ZRANB3: variants seen among roughly 807,000 people sequenced by gnomAD.
ZRANB3 encodes DNA annealing helicase and endonuclease ZRANB3.
ZRANB3 carries 125 observed loss-of-function variants against 133.8 expected under a neutral mutation model. That is an observed-to-expected ratio of 0.93 (90% CI 0.81 to 1.08). The LOEUF (loss-of-function observed/expected upper bound fraction) is 1.08. Ranked by LOEUF, ZRANB3 falls within the 50% of genes least tolerant of loss-of-function variation. The pLI is 0.00. For missense variants in ZRANB3, 1,229 were observed against 1,275.5 expected, an observed-to-expected ratio of 0.96 and a Z score of 0.56; for synonymous variants, 387 against 432.7, an observed-to-expected ratio of 0.89 and a Z score of 1.31.
At chr2:135,340,107 T>TC (rs1468909416) in intron 6 of ZRANB3, among the ~76,000 whole-genome samples, 5 of 149,670 alleles carry the variant, frequency 3.3e-5, no homozygotes, top group African/African-American at 1.2e-4. Flanking sequence ...CCCTTTTCTT[T>TC]TTTTTTTTTT....
At chr2:135,344,241 G>A (rs1258101380) in intron 6 of ZRANB3, among the ~76,000 whole-genome samples, 2 of 152,090 alleles carry the variant, frequency 1.3e-5, no homozygotes, top group Non-Finnish European at 2.9e-5. Context: ...AAAATGAAGC[G>A]TTCGGCAATA....
intron 2 of ZRANB3, among the ~76,000 whole-genome samples, chr2:135,483,945 G>T (rs1691970000): frequency 6.6e-6 from 1 of 152,148 alleles, no homozygotes; most frequent in Admixed American, 6.6e-5. Context: ...TTAATCCTGA[G>T]TTCTAGTTTG....
chr2:135,325,706 C>T (rs1021566406), intron 6 of ZRANB3, among the ~76,000 whole-genome samples: 2 of 151,988 alleles, frequency 1.3e-5, no homozygotes, highest in Non-Finnish European at 2.9e-5. Context: ...TGAGGCAGGC[C>T]AACTATTAAA....
intron 6 of ZRANB3, among the ~76,000 whole-genome samples, chr2:135,316,982 AAATAT>A (rs1481077933): frequency 2.1e-5 from 3 of 140,948 alleles, no homozygotes; most frequent in African/African-American, 8.6e-5. Context: ...AAAAAAAAAA[AAATAT>A]ATATATATAT....
intron 2 of ZRANB3, among the ~76,000 whole-genome samples, chr2:135,454,504 T>C (rs893798952): frequency 1.3e-5 from 2 of 152,010 alleles, no homozygotes; most frequent in Non-Finnish European, 2.9e-5. Context: ...AATTGCAGAG[T>C]GGTAAAGCCT....
chr2:135,367,680 C>T (rs1685999955), intron 3 of ZRANB3, among the ~76,000 whole-genome samples: 1 of 152,118 alleles, frequency 6.6e-6, no homozygotes, highest in South Asian at 2.1e-4. Context: ...GTAGCATCTA[C>T]ATAAATTGTT....
At chr2:135,422,887 A>C (rs1246057927) in intron 2 of ZRANB3, among the ~76,000 whole-genome samples, 1 of 152,194 alleles carries the variant, frequency 6.6e-6, no homozygotes, top group African/African-American at 2.4e-5. Context: ...TACTGTAAAA[A>C]AGTACCACAA....
chr2:135,483,503 T>C (rs1574178075), intron 2 of ZRANB3, among the ~76,000 whole-genome samples: 1 of 152,218 alleles, frequency 6.6e-6, no homozygotes, highest in Non-Finnish European at 1.5e-5. Flanking sequence ...TTGATTCTTC[T>C]CTCTTTTTTT....
intron 12 of ZRANB3, among the ~76,000 whole-genome samples, chr2:135,239,402 C>T (rs1252717027): frequency 1.7e-5 from 2 of 115,576 alleles, no homozygotes; most frequent in Admixed American, 1.1e-4. Context: ...TTTTATTTAC[C>T]ACAGTATAAA....
chr2:135,271,597 C>T (rs759340197), intron 10 of ZRANB3, among the ~76,000 whole-genome samples, 171 bp downstream of exon 10: 12 of 152,152 alleles, frequency 7.9e-5, no homozygotes, highest in Non-Finnish European at 1.6e-4. Context: ...TCAAAGACAT[C>T]GAGGCCTCTT....
chr2:135,383,686 A>C (rs908093679), intron 3 of ZRANB3, among the ~76,000 whole-genome samples: 2 of 152,218 alleles, frequency 1.3e-5, no homozygotes, highest in African/African-American at 2.4e-5. Flanking sequence ...CTCAGGATTA[A>C]GAAACTCACT....
At chr2:135,319,331 C>T (rs1683410784) in intron 6 of ZRANB3, among the ~76,000 whole-genome samples, 1 of 152,180 alleles carries the variant, frequency 6.6e-6, no homozygotes, top group African/African-American at 2.4e-5. Flanking sequence ...GTTTTTTCAA[C>T]ATTGTCCACT....
intron 9 of ZRANB3, 26 bp downstream of exon 9, chr2:135,275,610 T>A (rs1680772132): frequency 1.4e-5 from 21 of 1,549,750 alleles, no homozygotes; most frequent in Non-Finnish European, 1.7e-5. Context: ...TTCTAAAAAG[T>A]ATTTAGTTAA....
At chr2:135,346,521 T>C (rs939931103) in intron 5 of ZRANB3, among the ~76,000 whole-genome samples, 3 of 152,158 alleles carry the variant, frequency 2.0e-5, no homozygotes, top group East Asian at 1.9e-4. Context: ...CATCTATCTA[T>C]CCATCCATCC....
In ZRANB3 at chr2:135,200,337, C is replaced by A; in HGVS notation, c.*5G>T. 6.3e-7 allele frequency: 1 copy of A among 1,579,622 alleles called. No homozygotes were observed. Among genetic ancestry groups the A allele is most frequent in the Non-Finnish European group, 8.6e-7 (1 of 1,160,586 alleles). ...ATTTGTCATTCATTCATATATTTTT[C>A]TACTTTACTTCTTTACCAAAAATCG... On this transcript the variant is annotated 3_prime_UTR_variant, in exon 21 of 21. Transcript: ENST00000264159.
At chr2:135,328,591 CTGGGTCAAATGGTATTTCTAGT>C (rs1683966566) in intron 6 of ZRANB3, among the ~76,000 whole-genome samples, 1 of 152,162 alleles carries the variant, frequency 6.6e-6, no homozygotes, top group African/African-American at 2.4e-5. Context: ...AATGGGATCA[CTGGGTCAAATGGTATTTCTAGT>C]TCTAGATCCT....
chr2:135,245,677 A>G (rs1695757293), intron 12 of ZRANB3, among the ~76,000 whole-genome samples: 1 of 151,592 alleles, frequency 6.6e-6, no homozygotes, highest in South Asian at 2.1e-4. Context: ...CTGTAATCCC[A>G]GCACTTCGGG....
intron 2 of ZRANB3, among the ~76,000 whole-genome samples, chr2:135,439,765 T>A (rs1375182828): frequency 6.6e-6 from 1 of 152,230 alleles, no homozygotes; most frequent in Non-Finnish European, 1.5e-5. Flanking sequence ...TTAACTGGTA[T>A]AATGCAGTTT....
chr2:135,374,140 T>C (rs1686310622), intron 3 of ZRANB3, among the ~76,000 whole-genome samples: 1 of 152,158 alleles, frequency 6.6e-6, no homozygotes, highest in African/African-American at 2.4e-5. Context: ...TGCTTTACTC[T>C]ATCGGCCTGT....
Sources: gnomAD v4.1 joint callset for allele counts (sites outside exome capture counted in the v4.1 genomes callset) on GRCh38, gnomAD v4.1.1 for gene constraint, MANE v1.5 for transcripts, NCBI Gene and HGNC (gene_info 2026-07-23, HGNC 2026-07-21) for gene names.